Variants in TMEM70 observed in about 807,000 individuals in gnomAD.
The protein encoded by TMEM70 is transmembrane protein 70.
TMEM70 carries 15 observed loss-of-function variants against 20.5 expected under a neutral mutation model. That is an observed-to-expected ratio of 0.73 (90% CI 0.49 to 1.13). TMEM70 has a LOEUF of 1.13. TMEM70 is among the 50% of genes most tolerant of loss of function. The pLI, the probability that TMEM70 is intolerant of heterozygous loss-of-function variation, is 0.00. For missense variants in TMEM70, 344 were observed against 331.7 expected, an observed-to-expected ratio of 1.04 and a Z score of -0.29; for synonymous variants, 141 against 134.2, an observed-to-expected ratio of 1.05 and a Z score of -0.35.
rs750954458 is a variant in TMEM70 at position 73,976,203 on chromosome 8, G to GGCAGTCGGGTGGGAAGCCGTGTCTC, written c.-71_-47dup. On this transcript the variant is annotated 5_prime_UTR_variant, in exon 1 of 3. Transcript: ENST00000312184. ...CGGGCTGGGCATGCGCCACTTGTGC[G>GGCAGTCGGGTGGGAAGCCGTGTCTC]GCAGTCGGGTGGGAAGCCGTGTCTC... The GGCAGTCGGGTGGGAAGCCGTGTCTC allele has an allele frequency of 3.4e-4, 459 of 1,364,592 alleles. 6 individuals carry two copies. The East Asian group carries it at 0.011, about 32-fold the overall frequency. 84.5% of individuals were successfully genotyped at this position (1,364,592 alleles called of 1,614,324 possible).
rs933506609 is a variant in TMEM70, at chr8:73,982,636, T to G, written c.*1015T>G. 1 of 472,478 alleles carries G rather than the reference T, an allele frequency of 2.1e-6. No individual in the cohort carries two copies. Among genetic ancestry groups the G allele is most frequent in the African/African-American group, 2.0e-5 (1 of 50,880 alleles). The allele number at this position is 472,478 out of a possible 1,614,324, so 29.3% of individuals were successfully genotyped here. A position where few individuals can be genotyped will look rare whatever the true frequency, so the allele number is the denominator to read the frequency against. On this transcript the variant is annotated 3_prime_UTR_variant, in exon 3 of 3. Coordinates refer to ENST00000312184, the MANE Select transcript of TMEM70 (RefSeq NM_017866.6). ...GCATGATTGCCCATAAGAACATACATGTACAGTTGAACTGGTGGTTAGCTA... is the reference window on the plus strand; with the variant it reads ...GCATGATTGCCCATAAGAACATACAGGTACAGTTGAACTGGTGGTTAGCTA...
intron 1 of TMEM70, among the ~76,000 whole-genome samples, chr8:73,977,452 G>A (rs564174411): frequency 6.6e-6 from 1 of 152,108 alleles, no homozygotes; most frequent in African/African-American, 2.4e-5. Context: ...CCTGTCAAAG[G>A]GTTGGGATTA....
At chr8:73,976,584 C>G (rs979814392) in intron 1 of TMEM70, 93 bp downstream of exon 1, 2 of 1,257,064 alleles carry the variant, frequency 1.6e-6, no homozygotes, top group African/African-American at 1.6e-5. Context: ...CGCGACCTCT[C>G]CCAGGTGTCC....
rs771232866 is a variant in TMEM70 at position 73,981,410 on chromosome 8, C to G, written c.572C>G (p.Thr191Arg). The G allele has an allele frequency of 6.2e-7, 1 of 1,614,044 alleles. No individual in the cohort carries two copies. Among genetic ancestry groups the G allele is most frequent in the Non-Finnish European group, 8.5e-7 (1 of 1,180,028 alleles). The change falls in exon 3 of 3, where the codon ACG becomes AGG. Residue 191 changes from threonine to arginine, a missense_variant. Transcript: ENST00000312184. ...AITYNAMLAE[T>R]STVFHQNDVK... ...ACCTACAATGCTATGCTTGCAGAAA[C>G]GAGTACAGTGTTTCACCAGAATGAT...
chr8:73,980,272 A>G (rs1815758960), intron 2 of TMEM70, among the ~76,000 whole-genome samples: 1 of 152,146 alleles, frequency 6.6e-6, no homozygotes, highest in African/African-American at 2.4e-5. Context: ...TATTTTTAGT[A>G]GAGACAGGAT....
At chr8:73,978,597 G>T (rs1159640117) in intron 1 of TMEM70, among the ~76,000 whole-genome samples, 159 bp from the exon 2 acceptor site, 1 of 150,774 alleles carries the variant, frequency 6.6e-6, no homozygotes, top group African/African-American at 2.5e-5. Context: ...GACTGAGGCA[G>T]GAGAATTGCT....
chr8:73,980,132 A>G (rs1815755173), intron 2 of TMEM70, among the ~76,000 whole-genome samples: 1 of 152,152 alleles, frequency 6.6e-6, no homozygotes, highest in Admixed American at 6.5e-5. Context: ...CTTGTTGCCC[A>G]GGCTGGAGTG....
chr8:73,981,919 G>A lies in TMEM70; in HGVS notation c.*298G>A, dbSNP rs985546601. 1.1e-5 allele frequency: 6 copies of A among 530,494 alleles called. No individual in the cohort carries two copies. The highest frequency in any genetic ancestry group is 1.1e-4 in the African/African-American group (6 of 53,216). The allele number at this position is 530,494 out of a possible 1,614,324, so 32.9% of individuals were successfully genotyped here. On this transcript the variant is annotated 3_prime_UTR_variant, in exon 3 of 3. Coordinates refer to ENST00000312184, the MANE Select transcript of TMEM70 (RefSeq NM_017866.6). The stretch of plus-strand genomic sequence containing the variant: ...GGGGATCTGATGTCAGTAGCAAATG[G>A]GAGAGTTGCTTTATTCTTTGTGTAT...
rs1413707770 is a variant in TMEM70 at position 73,982,665 on chromosome 8, G to A, written c.*1044G>A. Reference sequence around the variant, plus strand: ...CAGTTGAACTGGTGGTTAGCTATACGGGAAATGGTAAGTAGTGTTGTCTTC... The same window carrying A: ...CAGTTGAACTGGTGGTTAGCTATACAGGAAATGGTAAGTAGTGTTGTCTTC... On this transcript the variant is annotated 3_prime_UTR_variant, in exon 3 of 3. Coordinates refer to ENST00000312184, the MANE Select transcript of TMEM70 (RefSeq NM_017866.6). The A allele has an allele frequency of 2.4e-5, 11 of 463,878 alleles. No homozygotes were observed. The highest frequency in any genetic ancestry group is 2.0e-4 in the East Asian group (3 of 15,196). The allele number at this position is 463,878 out of a possible 1,614,324, so 28.7% of individuals were successfully genotyped here. A position where few individuals can be genotyped will look rare whatever the true frequency, so the allele number is the denominator to read the frequency against.
At position 73,976,297 on chromosome 8, in the gene TMEM70, T is replaced by C. The variant is rs746394688; in HGVS notation, c.16T>C (p.Leu6=). The C allele has an allele frequency of 9.4e-6, 15 of 1,600,716 alleles. No homozygotes were observed. The South Asian group carries it at 1.2e-4, about 13-fold the overall frequency. Residue 6 remains leucine (L), a synonymous_variant, in exon 1 of 3, where the codon TTG becomes CTG. Coordinates refer to ENST00000312184, the MANE Select transcript of TMEM70 (RefSeq NM_017866.6). ...CACCCGCGTGATGCTGTTTCTGGCGTTGGGCAGCCCGTGGGCGGTCGAACT... is the reference window on the plus strand; with the variant it reads ...CACCCGCGTGATGCTGTTTCTGGCGCTGGGCAGCCCGTGGGCGGTCGAACT... MLFLA[L]GSPWAVELPL... is the part of the protein sequence containing the mutation.
At chr8:73,977,555 A>G (rs1815683408) in intron 1 of TMEM70, among the ~76,000 whole-genome samples, 1 of 152,200 alleles carries the variant, frequency 6.6e-6, no homozygotes, top group South Asian at 2.1e-4. Flanking sequence ...TCTTTAGAGA[A>G]AGATTTGATC....
intron 2 of TMEM70, among the ~76,000 whole-genome samples, chr8:73,980,198 C>T (rs989745356): frequency 2.6e-5 from 4 of 152,192 alleles, no homozygotes; most frequent in East Asian, 1.9e-4. Flanking sequence ...AAGCAATTCT[C>T]CTGCCTCAGC....
chr8:73,979,127 A>G (rs1165254738), intron 2 of TMEM70: 2 of 542,790 alleles, frequency 3.7e-6, no homozygotes, highest in Non-Finnish European at 7.0e-6. Flanking sequence ...TTCGCCTCCC[A>G]TGTTCAAGCG....
rs1049592719 is a variant in TMEM70, at chr8:73,978,679, C to T, written c.211-77C>T. On this transcript the variant is annotated intron_variant, in intron 1 of 2. Transcript: ENST00000312184. ...CTGCCCTCCAGTCTGGGAGACAGAG[C>T]AAGACTCTGTCTCAAAAAAAAAAAC... is the stretch of plus-strand genomic sequence containing the variant. 61 of 1,444,798 alleles carry T rather than the reference C, an allele frequency of 4.2e-5. No individual in the cohort carries two copies. The African/African-American group carries it at 7.8e-4, about 19-fold the overall frequency. 89.5% of individuals were successfully genotyped at this position (1,444,798 alleles called of 1,614,324 possible).
Position 73,981,169 on chromosome 8 carries a change from T to C in TMEM70, c.331T>C (p.Ser111Pro), listed in dbSNP as rs1369144121. ...ARAVFGVKCF[S>P]YSTSLIGLTF... is the part of the protein sequence containing the mutation. ...TTCCCATTTAGGTGTGAAATGTTTC[T>C]CTTATTCTACGAGTCTGATTGGCCT... Residue 111 changes from serine to proline, a missense_variant, in exon 3 of 3, where the codon TCT (serine) becomes CCT (proline). Physicochemically the swap from Ser to Pro is moderately conservative, Grantham distance 74. Transcript: ENST00000312184. 6.2e-7 allele frequency: 1 copy of C among 1,613,730 alleles called. No individual in the cohort carries two copies. The highest frequency in any genetic ancestry group is 8.5e-7 in the Non-Finnish European group (1 of 1,179,804).
intron 2 of TMEM70, 140 bp from the exon 3 acceptor site, chr8:73,981,015 A>G (rs1815777719): frequency 1.4e-6 from 1 of 720,616 alleles, no homozygotes; most frequent in South Asian, 1.7e-5. Flanking sequence ...AGCTTAGAAT[A>G]TAATAAGCAC....
rs778694443 is a variant in TMEM70, at chr8:73,982,714, C to G, written c.*1093C>G. ...TCAGTATCTTAATTTGTTTCTGCAA[C>G]TGTGCACTCCTCCCTTGGTGGCACC... is the stretch of plus-strand genomic sequence containing the variant. On this transcript the variant is annotated 3_prime_UTR_variant, in exon 3 of 3. Coordinates refer to ENST00000312184, the MANE Select transcript of TMEM70 (RefSeq NM_017866.6). 6.6e-6 allele frequency: 3 copies of G among 455,964 alleles called. No individual in the cohort carries two copies. The highest frequency in any genetic ancestry group is 1.3e-5 in the Non-Finnish European group (3 of 228,068). The allele number at this position is 455,964 out of a possible 1,614,324, so 28.2% of individuals were successfully genotyped here.
rs540563357 is a variant in TMEM70 at position 73,981,492 on chromosome 8, A to G, written c.654A>G (p.Ser218=). ...VFTTFYAKTK[S]LLVNPVLFPN... ...CCACATTTTATGCTAAAACAAAATCACTGTTAGTTAATCCAGTGCTCTTTC... is the reference window on the plus strand; with the variant it reads ...CCACATTTTATGCTAAAACAAAATCGCTGTTAGTTAATCCAGTGCTCTTTC... Residue 218 remains serine (S), a synonymous_variant, in exon 3 of 3, where the codon TCA becomes TCG. Coordinates refer to ENST00000312184, the MANE Select transcript of TMEM70 (RefSeq NM_017866.6). 7.0e-5 allele frequency: 113 copies of G among 1,614,074 alleles called. No individual in the cohort carries two copies. The highest frequency in any genetic ancestry group is 1.6e-4 in the Middle Eastern group (1 of 6,062).
In TMEM70 at chr8:73,982,154, C is replaced by G. The variant is rs189246143; in HGVS notation, c.*533C>G. Reference sequence around the variant, plus strand: ...CTTTTAAACATACCAGAAAAACACCCGTGGAGTCAGAGGTGGCAATTCACC... The same window carrying G: ...CTTTTAAACATACCAGAAAAACACCGGTGGAGTCAGAGGTGGCAATTCACC... On this transcript the variant is annotated 3_prime_UTR_variant, in exon 3 of 3. Transcript: ENST00000312184. 1 of 532,144 alleles carries G rather than the reference C, an allele frequency of 1.9e-6. No individual in the cohort carries two copies. The highest frequency in any genetic ancestry group is 3.7e-6 in the Non-Finnish European group (1 of 269,030). 33.0% of individuals were successfully genotyped at this position (532,144 alleles called of 1,614,324 possible).
Sources: allele counts gnomAD v4.1 joint callset (sites outside exome capture counted in the v4.1 genomes callset), GRCh38; gene constraint gnomAD v4.1.1; transcripts MANE v1.5; gene names NCBI Gene and HGNC (gene_info 2026-07-23, HGNC 2026-07-21).